The following DYNC1I1 variants were observed in gnomAD, a reference collection of about 807,000 sequenced individuals.
DYNC1I1 encodes cytoplasmic dynein 1 intermediate chain 1.
Under a neutral mutation model 86.6 loss-of-function variants are expected in DYNC1I1, and 43 were observed. That is an observed-to-expected ratio of 0.50 (90% CI 0.39 to 0.64). The LOEUF (loss-of-function observed/expected upper bound fraction) is 0.64, where lower values mean the gene tolerates loss of function less well. Ranked by LOEUF, DYNC1I1 falls within the 30% of genes least tolerant of loss-of-function variation. The pLI is 0.00. For missense variants in DYNC1I1, 604 were observed against 788.8 expected (o/e 0.77, Z 2.81); for synonymous variants, 262 against 283.7 (o/e 0.92, Z 0.77).
intron 6 of DYNC1I1, among the ~76,000 whole-genome samples, chr7:95,871,494 A>G (rs1383407853): frequency 6.6e-6 from 1 of 152,228 alleles, no homozygotes; most frequent in Non-Finnish European, 1.5e-5. Context: ...CATTTGTTTG[A>G]CTTAATTTGC....
intron 13 of DYNC1I1, among the ~76,000 whole-genome samples, chr7:96,038,098 T>A: frequency 6.6e-6 from 1 of 152,174 alleles, no homozygotes; most frequent in South Asian, 2.1e-4. Flanking sequence ...TAAATGATCA[T>A]GTGTGGAACT....
At position 95,996,027 on chromosome 7, in the gene DYNC1I1, A is replaced by G. The variant is rs777588095; in HGVS notation, c.923A>G (p.Asn308Ser). 1.2e-6 allele frequency: 2 copies of G among 1,613,968 alleles called. No homozygotes were observed. The highest frequency in any genetic ancestry group is 1.7e-6 in the Non-Finnish European group (2 of 1,179,922). ...HEPDGVALVW[N>S]MKFKKTTPEY... ...CCAGATGGAGTGGCCTTGGTTTGGA[A>G]CATGAAGTTTAAGAAAACCACACCA... The change falls in exon 10 of 17, where the codon AAC (asparagine) becomes AGC (serine). Residue 308 changes from asparagine to serine, a missense_variant. Transcript: ENST00000447467.
intron 4 of DYNC1I1, among the ~76,000 whole-genome samples, chr7:95,827,794 G>T (rs1244927198): frequency 6.6e-6 from 1 of 152,148 alleles, no homozygotes; most frequent in Non-Finnish European, 1.5e-5. Context: ...AGGGGTGTGT[G>T]TGGAGTTTGA....
intron 6 of DYNC1I1, among the ~76,000 whole-genome samples, chr7:95,884,519 C>G (rs879900491): frequency 1.3e-5 from 2 of 151,756 alleles, no homozygotes; most frequent in Admixed American, 1.3e-4. Context: ...AATGAACTTT[C>G]CATGGGAAGA....
intron 6 of DYNC1I1, among the ~76,000 whole-genome samples, chr7:95,902,683 T>G (rs17167236): frequency 0.013 from 1,928 of 152,296 alleles, 37 homozygotes; most frequent in African/African-American, 0.044. Flanking sequence ...CTGTGCCTCA[T>G]ATGCATGGGA....
chr7:96,028,344 C>T, intron 11 of DYNC1I1, 23 bp downstream of exon 11: 1 of 1,577,664 alleles, frequency 6.3e-7, no homozygotes. Flanking sequence ...TTTGCCATAT[C>T]CCTGTGAGCC....
At chr7:95,858,746 A>T (rs2171555) in intron 5 of DYNC1I1, among the ~76,000 whole-genome samples, 15,034 of 151,484 alleles carry the variant, frequency 0.099, 800 homozygotes, top group South Asian at 0.18. Context: ...GTGGTTCATG[A>T]TAGTATGTCT....
intron 6 of DYNC1I1, among the ~76,000 whole-genome samples, chr7:95,897,728 G>T (rs1230147433): frequency 1.6e-4 from 13 of 80,114 alleles, no homozygotes; most frequent in Non-Finnish European, 2.9e-4. Context: ...AACCCTTATA[G>T]TTGAGTTGAT....
intron 14 of DYNC1I1, among the ~76,000 whole-genome samples, chr7:96,042,028 A>T (rs899195516): frequency 6.6e-6 from 1 of 152,192 alleles, no homozygotes; most frequent in African/African-American, 2.4e-5. Flanking sequence ...AAGTGACTTT[A>T]AAACTCTGTA....
At chr7:95,938,606 T>A (rs1430058718) in intron 6 of DYNC1I1, among the ~76,000 whole-genome samples, 1 of 152,148 alleles carries the variant, frequency 6.6e-6, no homozygotes, top group East Asian at 1.9e-4. Flanking sequence ...AAGTTATTGA[T>A]TTTTTCTGCC....
chr7:95,819,464 G>A (rs1269715783), intron 4 of DYNC1I1, among the ~76,000 whole-genome samples: 1 of 151,992 alleles, frequency 6.6e-6, no homozygotes, highest in Non-Finnish European at 1.5e-5. Flanking sequence ...AGATTCTGCA[G>A]GATTCTTTGG....
At position 96,000,877 on chromosome 7, in the gene DYNC1I1, T is replaced by C. The variant is rs376562041; in HGVS notation, c.969+4804T>C. On this transcript the variant is annotated intron_variant, in intron 10 of 16. Coordinates refer to ENST00000447467, the MANE Select transcript of DYNC1I1 (RefSeq NM_001135556.2). ...CATCTGAAAACAGCAATGAAGGAGA[T>C]TATTTCTATACCTCATGGAGTATGC... is the stretch of plus-strand genomic sequence containing the variant. 8.5e-5 allele frequency among the ~76,000 whole-genome samples: 13 copies of C among 152,248 alleles called. No individual in the cohort carries two copies. The East Asian group carries it at 2.5e-3, about 29-fold the overall frequency.
intron 16 of DYNC1I1, among the ~76,000 whole-genome samples, chr7:96,095,183 A>G (rs1790965254): frequency 6.6e-6 from 1 of 152,180 alleles, no homozygotes; most frequent in African/African-American, 2.4e-5. Context: ...TTATGAAGTT[A>G]TGTAATTTTT....
intron 12 of DYNC1I1, 75 bp downstream of exon 12, chr7:96,032,855 A>G: frequency 7.8e-7 from 1 of 1,285,244 alleles, no homozygotes; most frequent in Admixed American, 1.8e-5. Flanking sequence ...ATAGTTCCTA[A>G]AAGCCAAACC....
At chr7:95,919,280 A>G (rs1791552131) in intron 6 of DYNC1I1, among the ~76,000 whole-genome samples, 4 of 152,224 alleles carry the variant, frequency 2.6e-5, no homozygotes, top group Admixed American at 6.5e-5. Context: ...CCTATGTTAC[A>G]GACTTAGAGG....
intron 6 of DYNC1I1, among the ~76,000 whole-genome samples, chr7:95,961,220 T>G (rs1792858848): frequency 6.6e-6 from 1 of 152,146 alleles, no homozygotes; most frequent in Non-Finnish European, 1.5e-5. Flanking sequence ...ACAGCATGGG[T>G]AGTGGAGAGA....
chr7:95,916,691 AT>A (rs1390856868), intron 6 of DYNC1I1, among the ~76,000 whole-genome samples: 1 of 151,994 alleles, frequency 6.6e-6, no homozygotes, highest in Admixed American at 6.6e-5. Flanking sequence ...TCCCTCGGAC[AT>A]TTCCCTGTCT....
intron 14 of DYNC1I1, among the ~76,000 whole-genome samples, chr7:96,043,947 A>T (rs915866128): frequency 6.6e-6 from 1 of 152,058 alleles, no homozygotes; most frequent in Admixed American, 6.6e-5. Context: ...TGACCTCGTG[A>T]TCCACCCGCC....
intron 6 of DYNC1I1, among the ~76,000 whole-genome samples, chr7:95,890,222 G>A (rs74319953): frequency 0.025 from 3,746 of 152,234 alleles, 123 homozygotes; most frequent in African/African-American, 0.077. Context: ...AAAATGCGGT[G>A]CATATATACC....
Sources: gnomAD v4.1 joint callset for allele counts (sites outside exome capture counted in the v4.1 genomes callset) on GRCh38, gnomAD v4.1.1 for gene constraint, MANE v1.5 for transcripts, NCBI Gene and HGNC (gene_info 2026-07-23, HGNC 2026-07-21) for gene names.